GRM5: variants seen among roughly 807,000 people sequenced by gnomAD.
GRM5 encodes metabotropic glutamate receptor 5.
A neutral mutation model predicts 83.1 loss-of-function variants in GRM5; 19 were observed. That is an observed-to-expected ratio of 0.23 (90% CI 0.16 to 0.34). GRM5 has a LOEUF of 0.34. GRM5 is among the 10% of genes least tolerant of loss of function. The pLI is 1.00. For synonymous variants in GRM5, 675 were observed against 633.6 expected (o/e 1.07, Z -0.98); for missense variants, 1,160 against 1,588.3 (o/e 0.73, Z 4.58).
intron 1 of GRM5, among the ~76,000 whole-genome samples, chr11:89,059,023 G>T (rs1941935818): frequency 6.6e-6 from 1 of 151,840 alleles, no homozygotes; most frequent in Non-Finnish European, 1.5e-5. Context: ...AAATATTTTT[G>T]ATTATTCTTC....
At chr11:88,581,293 C>A (rs933850086) in intron 7 of GRM5, among the ~76,000 whole-genome samples, 4 of 152,052 alleles carry the variant, frequency 2.6e-5, no homozygotes, top group Non-Finnish European at 5.9e-5. Context: ...TTAATGCATA[C>A]GAAACTTTTT....
chr11:89,004,503 A>G (rs577258147), intron 2 of GRM5, among the ~76,000 whole-genome samples: 32 of 152,218 alleles, frequency 2.1e-4, no homozygotes, highest in Non-Finnish European at 4.3e-4. Flanking sequence ...ATTGGGGACC[A>G]CTGGTGAGTA....
intron 3 of GRM5, among the ~76,000 whole-genome samples, chr11:88,676,441 G>A (rs1434656972): frequency 5.9e-5 from 9 of 151,880 alleles, no homozygotes; most frequent in Non-Finnish European, 1.3e-4. Flanking sequence ...GAAGTTCCTT[G>A]GGGGCAGGAA....
intron 2 of GRM5, among the ~76,000 whole-genome samples, chr11:88,870,687 T>G (rs1944751100): frequency 6.6e-6 from 1 of 151,516 alleles, no homozygotes; most frequent in Admixed American, 6.6e-5. Context: ...TGTGGACACA[T>G]GGATTACCAC....
At chr11:88,542,407 A>C (rs1472376332) in intron 8 of GRM5, among the ~76,000 whole-genome samples, 1 of 152,228 alleles carries the variant, frequency 6.6e-6, no homozygotes, top group African/African-American at 2.4e-5. Flanking sequence ...AGAATAAAGA[A>C]GAGAAAGAGG....
intron 3 of GRM5, among the ~76,000 whole-genome samples, chr11:88,732,848 C>T (rs1369072833): frequency 6.6e-6 from 1 of 151,946 alleles, no homozygotes; most frequent in Non-Finnish European, 1.5e-5. Context: ...GCCCTAGAGA[C>T]TGTGGATGTC....
chr11:89,015,453 G>T lies in GRM5; in HGVS notation c.661+31759C>A, dbSNP rs866006029. Among the ~76,000 whole-genome samples the T allele has an allele frequency of 2.0e-5, 3 of 152,280 alleles. No individual in the cohort carries two copies. In the East Asian group the frequency reaches 5.8e-4, roughly 29 times the overall value. On this transcript the variant is annotated intron_variant, in intron 2 of 9. Transcript: ENST00000305447. ...CATGACTGAGAAGAAATCAATGGGT[G>T]TCTGTTGGCAGTGTTTTTAAAGACA...
chr11:89,008,205 C>T (rs1299546543), intron 2 of GRM5, among the ~76,000 whole-genome samples: 4 of 152,026 alleles, frequency 2.6e-5, no homozygotes, highest in Non-Finnish European at 2.9e-5. Flanking sequence ...GGAAAGAATT[C>T]GTATGCAGTG....
intron 2 of GRM5, among the ~76,000 whole-genome samples, chr11:89,045,668 G>C (rs528262451): frequency 6.6e-6 from 1 of 152,242 alleles, no homozygotes; most frequent in East Asian, 1.9e-4. Context: ...TCATGACTAA[G>C]AGTTTCACTT....
chr11:88,653,876 C>T (rs1446674477), intron 3 of GRM5, among the ~76,000 whole-genome samples: 1 of 151,956 alleles, frequency 6.6e-6, no homozygotes, highest in Non-Finnish European at 1.5e-5. Context: ...TCCTGTGACA[C>T]AACATTTTTG....
chr11:88,566,567 T>A (rs1408887416), intron 8 of GRM5, among the ~76,000 whole-genome samples: 1 of 152,188 alleles, frequency 6.6e-6, no homozygotes, highest in African/African-American at 2.4e-5. Context: ...GTGCCTCTAT[T>A]GGATGGGCAT....
At chr11:88,522,699 A>G (rs980818467) in intron 9 of GRM5, among the ~76,000 whole-genome samples, 1 of 151,596 alleles carries the variant, frequency 6.6e-6, no homozygotes, top group Middle Eastern at 3.2e-3. Flanking sequence ...GGAAGGGAAG[A>G]TCATTTGTTC....
intron 2 of GRM5, among the ~76,000 whole-genome samples, chr11:88,861,415 C>T (rs1590919795): frequency 6.6e-6 from 1 of 151,996 alleles, no homozygotes; most frequent in African/African-American, 2.4e-5. Flanking sequence ...ACCCATCCTT[C>T]AAGAGTTGGC....
chr11:88,594,466 T>C (rs1276862404), intron 6 of GRM5, among the ~76,000 whole-genome samples: 3 of 152,164 alleles, frequency 2.0e-5, no homozygotes, highest in Non-Finnish European at 4.4e-5. Flanking sequence ...GGAGACTATA[T>C]AAACAAATGA....
intron 2 of GRM5, among the ~76,000 whole-genome samples, chr11:88,942,690 A>G (rs1204168163): frequency 6.6e-6 from 1 of 151,970 alleles, no homozygotes; most frequent in Non-Finnish European, 1.5e-5. Context: ...TGATAATATA[A>G]TGACCTAGAT....
chr11:88,653,231 G>C lies in GRM5; in HGVS notation c.1084C>G (p.Arg362Gly). 6.2e-7 allele frequency: 1 copy of C among 1,613,014 alleles called. No homozygotes were observed. Among genetic ancestry groups the C allele is most frequent in the Non-Finnish European group, 8.5e-7 (1 of 1,179,334 alleles). ...NPWFQEFWQH[R>G]FQCRLEGFPQ... ...AACCCTTCCAGTCGGCACTGAAAACGATGCTGCCAAAATTCTTGAAACCAA... is the reference window on the plus strand; with the variant it reads ...AACCCTTCCAGTCGGCACTGAAAACCATGCTGCCAAAATTCTTGAAACCAA... The change falls in exon 4 of 10, where the codon CGT becomes GGT. Residue 362 changes from arginine (R) to glycine (G), a missense_variant. Around this residue, in one of 9 missense-constraint regions of GRM5, gnomAD observed 132 missense variants for 197.6 expected, o/e 0.67. Coordinates refer to ENST00000305447, the MANE Select transcript of GRM5 (RefSeq NM_001143831.3).
chr11:88,925,712 G>T, intron 2 of GRM5: 1 of 453,016 alleles, frequency 2.2e-6, no homozygotes, highest in South Asian at 1.5e-5. Context: ...AAGAGTTGAA[G>T]ACCAGCCTGG....
chr11:88,546,456 C>T (rs185531545), intron 8 of GRM5, among the ~76,000 whole-genome samples: 2 of 152,068 alleles, frequency 1.3e-5, no homozygotes, highest in East Asian at 3.9e-4. Flanking sequence ...CTAAAGTTCC[C>T]CAGAATTGTC....
intron 2 of GRM5, among the ~76,000 whole-genome samples, chr11:88,981,640 TAAAC>T (rs143761938): frequency 0.038 from 5,719 of 152,226 alleles, 322 homozygotes; most frequent in African/African-American, 0.13. Context: ...CACCTTGCCA[TAAAC>T]AACTGGGTTC....
Sources: allele counts gnomAD v4.1 joint callset (sites outside exome capture counted in the v4.1 genomes callset), GRCh38; gene constraint gnomAD v4.1.1; regional missense constraint gnomAD v4.1.1; transcripts MANE v1.5; gene names NCBI Gene and HGNC (gene_info 2026-07-23, HGNC 2026-07-21).